The following ADCY2 variants were observed in gnomAD, a reference collection of about 807,000 sequenced individuals.
ADCY2 encodes the protein adenylate cyclase type 2.
ADCY2 carries 31 observed loss-of-function variants against 125.2 expected under a neutral mutation model. The observed-to-expected ratio is 0.25, with a 90% CI of 0.19 to 0.33. ADCY2 has a LOEUF of 0.33. ADCY2 is among the 10% of genes least tolerant of loss of function. The pLI, the probability that ADCY2 is intolerant of heterozygous loss-of-function variation, is 1.00. For synonymous variants in ADCY2, 512 were observed against 548.4 expected, an observed-to-expected ratio of 0.93 and a Z score of 0.93; for missense variants, 904 against 1,418.2, an observed-to-expected ratio of 0.64 and a Z score of 5.82.
intron 2 of ADCY2, among the ~76,000 whole-genome samples, chr5:7,439,462 T>C (rs1328321532): frequency 1.3e-5 from 2 of 151,716 alleles, no homozygotes; most frequent in African/African-American, 4.8e-5. Flanking sequence ...GCCCCACCCT[T>C]GACACATGGG....
At chr5:7,695,006 G>A (rs1401459364) in intron 5 of ADCY2, among the ~76,000 whole-genome samples, 1 of 152,150 alleles carries the variant, frequency 6.6e-6, no homozygotes, top group Non-Finnish European at 1.5e-5. Context: ...ACATCTTAAG[G>A]CATACATATT....
At chr5:7,793,242 T>A (rs1267721333) in intron 20 of ADCY2, among the ~76,000 whole-genome samples, 1 of 150,768 alleles carries the variant, frequency 6.6e-6, no homozygotes. Flanking sequence ...AGGTCAGGAG[T>A]TCAAGACCAG....
At chr5:7,728,128 C>G (rs1488093262) in intron 14 of ADCY2, among the ~76,000 whole-genome samples, 1 of 151,780 alleles carries the variant, frequency 6.6e-6, no homozygotes, top group Admixed American at 6.6e-5. Context: ...TAGTAGAATT[C>G]AATTGTTTGC....
chr5:7,689,318 T>C (rs1223118735), intron 4 of ADCY2, among the ~76,000 whole-genome samples: 1 of 151,556 alleles, frequency 6.6e-6, no homozygotes, highest in East Asian at 1.9e-4. Context: ...TGCAGCCTTC[T>C]TTAATTTACC....
chr5:7,507,979 A>G (rs1318167777), intron 2 of ADCY2, among the ~76,000 whole-genome samples: 1 of 150,670 alleles, frequency 6.6e-6, no homozygotes, highest in Admixed American at 6.6e-5. Context: ...CAGGTAGACA[A>G]AAGATAATTT....
At chr5:7,559,656 A>G (rs1409333019) in intron 3 of ADCY2, among the ~76,000 whole-genome samples, 1 of 152,122 alleles carries the variant, frequency 6.6e-6, no homozygotes, top group African/African-American at 2.4e-5. Context: ...TCCTATTTGG[A>G]TGCCTTTATT....
At chr5:7,658,399 TTGTGTGTGTGTG>T (rs369870574) in intron 4 of ADCY2, among the ~76,000 whole-genome samples, 1 of 130,944 alleles carries the variant, frequency 7.6e-6, no homozygotes, top group Non-Finnish European at 1.6e-5. Context: ...GTGAAGAGAA[TTGTGTGTGTGTG>T]TGTGTGTGTG....
At chr5:7,519,986 T>A (rs1220878060) in intron 2 of ADCY2, among the ~76,000 whole-genome samples, 1 of 152,250 alleles carries the variant, frequency 6.6e-6, no homozygotes, top group Non-Finnish European at 1.5e-5. Flanking sequence ...TGCATTCGCA[T>A]CTTACTCCAT....
At chr5:7,776,277 G>A (rs1389903956) in intron 18 of ADCY2, among the ~76,000 whole-genome samples, 9 of 149,576 alleles carry the variant, frequency 6.0e-5, no homozygotes. Context: ...AGGTGCCTCT[G>A]AGGGTGGGAG....
chr5:7,412,286 T>A (rs1296833425), intron 1 of ADCY2, among the ~76,000 whole-genome samples: 3 of 152,200 alleles, frequency 2.0e-5, no homozygotes, highest in African/African-American at 7.2e-5. Context: ...CCTGCTGGGA[T>A]AATGAAATGA....
At chr5:7,544,612 A>G (rs1735093975) in intron 3 of ADCY2, among the ~76,000 whole-genome samples, 1 of 152,198 alleles carries the variant, frequency 6.6e-6, no homozygotes, top group African/African-American at 2.4e-5. Flanking sequence ...CATGGAAGGC[A>G]GCATCCACAG....
chr5:7,399,846 C>A (rs1443969353), intron 1 of ADCY2, among the ~76,000 whole-genome samples: 2 of 152,156 alleles, frequency 1.3e-5, no homozygotes, highest in Non-Finnish European at 2.9e-5. Context: ...ATAAAATTGA[C>A]CCCTGGCATC....
intron 2 of ADCY2, among the ~76,000 whole-genome samples, chr5:7,485,646 C>T (rs1054600256): frequency 6.6e-6 from 1 of 152,052 alleles, no homozygotes; most frequent in East Asian, 1.9e-4. Flanking sequence ...GTGAACTATC[C>T]TAAGAACATA....
chr5:7,626,658 A>G (rs948437915), intron 4 of ADCY2, among the ~76,000 whole-genome samples: 5 of 152,166 alleles, frequency 3.3e-5, no homozygotes, highest in African/African-American at 4.8e-5. Context: ...AGGAAGCAAG[A>G]GAGAGGCAGG....
At chr5:7,586,964 T>A (rs115029257) in intron 3 of ADCY2, among the ~76,000 whole-genome samples, 45,760 of 151,696 alleles carry the variant, frequency 0.3, 6,952 homozygotes, top group East Asian at 0.44. Flanking sequence ...GTCTGTACAT[T>A]TTCACACAGG....
At chr5:7,560,038 C>G (rs992048142) in intron 3 of ADCY2, among the ~76,000 whole-genome samples, 3 of 152,148 alleles carry the variant, frequency 2.0e-5, no homozygotes, top group African/African-American at 7.2e-5. Context: ...GTGGTTTATT[C>G]AAAGACAAGA....
At position 7,571,782 on chromosome 5, in the gene ADCY2, C is replaced by G. The variant is rs186498560; in HGVS notation, c.570+50883C>G. Among the ~76,000 whole-genome samples, 14 of 152,200 alleles carry G rather than the reference C, an allele frequency of 9.2e-5. No individual in the cohort carries two copies. The East Asian group carries it at 2.1e-3, about 23-fold the overall frequency. ...CCTATTATTTTTCCTGATCCTCTCC[C>G]TCCTCCCAACTCCCACCCTCCAATA... On this transcript the variant is annotated intron_variant, in intron 3 of 24. Coordinates refer to ENST00000338316, the MANE Select transcript of ADCY2 (RefSeq NM_020546.3).
intron 3 of ADCY2, 26 bp from the exon 4 acceptor site, chr5:7,626,141 T>C (rs1738113852): frequency 2.5e-6 from 4 of 1,604,662 alleles, no homozygotes; most frequent in African/African-American, 2.7e-5. Context: ...AGTTACCCTA[T>C]TGAGCAGCTC....
At chr5:7,423,863 G>A (rs546778004) in intron 2 of ADCY2, among the ~76,000 whole-genome samples, 10 of 152,206 alleles carry the variant, frequency 6.6e-5, no homozygotes, top group African/African-American at 2.2e-4. Flanking sequence ...ATGGGCTCCG[G>A]TACTGAAAAT....
Sources: gnomAD v4.1 joint callset for allele counts (sites outside exome capture counted in the v4.1 genomes callset) on GRCh38, gnomAD v4.1.1 for gene constraint, MANE v1.5 for transcripts, NCBI Gene and HGNC (gene_info 2026-07-23, HGNC 2026-07-21) for gene names.